The following CCDC87 variants were observed in gnomAD, a reference collection of about 807,000 sequenced individuals.
CCDC87 encodes coiled-coil domain containing 87.
For missense variants in CCDC87, 1,072 were observed against 1,041.7 expected (o/e 1.03, Z -0.40); for synonymous variants, 434 against 440.2 (o/e 0.99, Z 0.18).
chr11:66,592,216 A>G lies in CCDC87; in HGVS notation c.800T>C (p.Leu267Pro). 2 of 1,611,284 alleles carry G rather than the reference A, an allele frequency of 1.2e-6. No individual in the cohort carries two copies. The highest frequency in any genetic ancestry group is 1.7e-6 in the Non-Finnish European group (2 of 1,178,576). The part of the protein sequence containing the change: ...RLKRKKPFHW[L>P]PSIGKKREID... ...TTCTCTCTTCTTTCCTATGGAGGGC[A>G]GCCAGTGGAAAGGCTTTTTCCTCTT... is the stretch of plus-strand genomic sequence containing the variant. Residue 267 changes from leucine to proline, a missense_variant, in exon 1 of 1, where the codon CTG becomes CCG. By Grantham distance (98) the Leu-to-Pro change is moderately conservative. Transcript: ENST00000333861.
Position 66,592,945 on chromosome 11 carries a change from A to G in CCDC87, c.71T>C (p.Leu24Pro), listed in dbSNP as rs1858402705. 16 of 1,518,912 alleles carry G rather than the reference A, an allele frequency of 1.1e-5. No individual in the cohort carries two copies. The highest frequency in any genetic ancestry group is 1.4e-5 in the Non-Finnish European group (16 of 1,136,206). 94.1% of individuals were successfully genotyped at this position (1,518,912 alleles called of 1,614,324 possible). Residue 24 changes from leucine (L) to proline (P), a missense_variant, in exon 1 of 1, where the codon CTC (leucine) becomes CCC (proline). Coordinates refer to ENST00000333861, the MANE Select transcript of CCDC87 (RefSeq NM_018219.3). The stretch of plus-strand genomic sequence containing the variant: ...TGGGGACGTCGTCCTAGTGGGGAAG[A>G]GCGACAGCGGACGCAGCAGCCGGTG... ...FYHRLLRPLS[L>P]FPTRTTSPEP...
At position 66,591,349 on chromosome 11, in the gene CCDC87, A is replaced by G. The variant is rs751516131; in HGVS notation, c.1667T>C (p.Leu556Ser). 7.4e-6 allele frequency: 12 copies of G among 1,614,124 alleles called. No homozygotes were observed. The highest frequency in any genetic ancestry group is 3.3e-4 in the Middle Eastern group (2 of 6,062). ...GGGCATCTTCTTAGTATTGGACTGT[A>G]AAGTGTTTGCTCTCTGGGAGTAAAG... ...VGLYSQRANT[L>S]QSNTKKMPSL... The change falls in exon 1 of 1, where the codon TTA becomes TCA. Residue 556 changes from leucine to serine, a missense_variant. Coordinates refer to ENST00000333861, the MANE Select transcript of CCDC87 (RefSeq NM_018219.3).
rs772116285 is a variant in CCDC87 at position 66,591,501 on chromosome 11, G to T, written c.1515C>A (p.Asp505Glu). ...YKELMSHVSS[D>E]HLHFDQGPLV... ...GGGGCCCTTGATCAAAATGTAAGTG[G>T]TCAGAAGAGACATGGCTCATCAACT... The change falls in exon 1 of 1, where the codon GAC becomes GAA. Residue 505 changes from aspartate (D) to glutamate (E), a missense_variant. Asp to Glu is a conservative substitution (Grantham distance 45, BLOSUM62 2). Coordinates refer to ENST00000333861, the MANE Select transcript of CCDC87 (RefSeq NM_018219.3). 5.0e-6 allele frequency: 8 copies of T among 1,613,998 alleles called. No individual in the cohort carries two copies. In the African/African-American group the frequency reaches 9.3e-5, roughly 19 times the overall value.
Position 66,592,389 on chromosome 11 carries a change from G to T in CCDC87, c.627C>A (p.Ile209=). 6.2e-7 allele frequency: 1 copy of T among 1,614,164 alleles called. No homozygotes were observed. The highest frequency in any genetic ancestry group is 8.5e-7 in the Non-Finnish European group (1 of 1,180,038). ...CPAGTFKLCP[I]PWPHSTGFAQ... ...CGAAGCCAGTGCTGTGAGGCCAGGG[G>T]ATAGGGCACAGCTTGAACGTCCCAG... The change falls in exon 1 of 1, where the codon ATC becomes ATA. Residue 209 remains isoleucine (I), a synonymous_variant. Transcript: ENST00000333861.
rs1377289231 is a variant in CCDC87, at chr11:66,591,456, A to G, written c.1560T>C (p.Asp520=). The change falls in exon 1 of 1, where the codon GAT becomes GAC. Residue 520 remains aspartate (D), a synonymous_variant. Coordinates refer to ENST00000333861, the MANE Select transcript of CCDC87 (RefSeq NM_018219.3). ...AGGACAGGAAGGTCGACCAGTCTTT[A>G]TCTGCTGCAGGCTCAACTAGGGGCC... ...DQGPLVEPAA[D]KDWSTFLSSA... is the part of the protein sequence containing the mutation. The G allele has an allele frequency of 6.8e-6, 11 of 1,614,200 alleles. No individual in the cohort carries two copies. Among genetic ancestry groups the G allele is most frequent in the Non-Finnish European group, 8.5e-6 (10 of 1,180,046 alleles).
rs762152279 is a variant in CCDC87, at chr11:66,591,167, C to T, written c.1849G>A (p.Glu617Lys). 1 of 1,614,188 alleles carries T rather than the reference C, an allele frequency of 6.2e-7. No homozygotes were observed. The highest frequency in any genetic ancestry group is 1.7e-5 in the Admixed American group (1 of 60,034). Residue 617 changes from glutamate to lysine, a missense_variant, in exon 1 of 1, where the codon GAA (glutamate) becomes AAA (lysine). Glu to Lys is a moderately conservative substitution (Grantham distance 56, BLOSUM62 1). Transcript: ENST00000333861. Reference sequence around the variant, plus strand: ...ACAATCTCCACAGGAACCTCTTCTTCATGCATTTGAAAGATGACATGAAGG... The same window carrying T: ...ACAATCTCCACAGGAACCTCTTCTTTATGCATTTGAAAGATGACATGAAGG... ...DFLHVIFQMH[E>K]EEVPVEIVAP...
At position 66,592,262 on chromosome 11, in the gene CCDC87, A is replaced by G. The variant is rs769013983; in HGVS notation, c.754T>C (p.Leu252=). 15 of 1,614,060 alleles carry G rather than the reference A, an allele frequency of 9.3e-6. No homozygotes were observed. The highest frequency in any genetic ancestry group is 1.3e-5 in the Non-Finnish European group (15 of 1,180,032). ...EPGRMDPVKE[L]KSIPRLKRKK... ...CTCTTCAACCGAGGGATGGACTTCA[A>G]TTCCTTCACTGGATCCATCCTTCCT... Residue 252 remains leucine (L), a synonymous_variant, in exon 1 of 1, where the codon TTG becomes CTG. Coordinates refer to ENST00000333861, the MANE Select transcript of CCDC87 (RefSeq NM_018219.3).
chr11:66,591,920 A>C lies in CCDC87; in HGVS notation c.1096T>G (p.Leu366Val). ...DLKQLIKKMK[L>V]EGTRYPPLDS... Reference sequence around the variant, plus strand: ...AGTGGTGGGTAGCGAGTCCCCTCCAACTTCATCTTCTTTATCAACTGCTTC... The same window carrying C: ...AGTGGTGGGTAGCGAGTCCCCTCCACCTTCATCTTCTTTATCAACTGCTTC... Residue 366 changes from leucine (L) to valine (V), a missense_variant, in exon 1 of 1, where the codon TTG becomes GTG. Leu to Val is a conservative substitution (Grantham distance 32). Transcript: ENST00000333861. 6.2e-7 allele frequency: 1 copy of C among 1,613,844 alleles called. No homozygotes were observed. Among genetic ancestry groups the C allele is most frequent in the Non-Finnish European group, 8.5e-7 (1 of 1,180,026 alleles).
In CCDC87 at chr11:66,591,639, AAT is replaced by A. The variant is rs775961114; in HGVS notation, c.1375_1376del (p.Ile459Ter). ...GGTTATACAGGGCTCCGGCCCCCTC[AAT>A]GTGGAAAGAGTCTAAGAAGTTTCTA... The part of the protein sequence containing the change: ...SDRNFLDSFH[I>X]EGAGALYNHL... On this transcript the variant is annotated frameshift_variant, in exon 1 of 1. Coordinates refer to ENST00000333861, the MANE Select transcript of CCDC87 (RefSeq NM_018219.3). LOFTEE classifies it low-confidence loss of function (END_TRUNC). 6.2e-7 allele frequency: 1 copy of A among 1,613,922 alleles called. No homozygotes were observed. The highest frequency in any genetic ancestry group is 1.1e-5 in the South Asian group (1 of 91,084).
rs146402060 is a variant in CCDC87, at chr11:66,591,363, C to T, written c.1653G>A (p.Gln551=). The T allele has an allele frequency of 3.1e-6, 5 of 1,614,144 alleles. No homozygotes were observed. The South Asian group carries it at 4.4e-5, about 14-fold the overall frequency. The part of the protein sequence containing the change: ...INPELVGLYS[Q]RANTLQSNTK... ...TATTGGACTGTAAAGTGTTTGCTCT[C>T]TGGGAGTAAAGTCCAACCAGCTCAG... Residue 551 remains glutamine, a synonymous_variant, in exon 1 of 1, where the codon CAG becomes CAA. Transcript: ENST00000333861.
chr11:66,590,885 G>A lies in CCDC87; in HGVS notation c.2131C>T (p.Leu711=). ...TTCACCAATGAAGGCAGCTGCCTCA[G>A]GCGGGCTTTGGAGCTATATTTAATG... is the stretch of plus-strand genomic sequence containing the variant. ...MTIKYSSKAR[L]RQLPSLVNAW... is the part of the protein sequence containing the mutation. Residue 711 remains leucine, a synonymous_variant, in exon 1 of 1, where the codon CTG becomes TTG. Transcript: ENST00000333861. 6.2e-7 allele frequency: 1 copy of A among 1,613,858 alleles called. No homozygotes were observed. The highest frequency in any genetic ancestry group is 8.5e-7 in the Non-Finnish European group (1 of 1,180,052).
At position 66,590,793 on chromosome 11, in the gene CCDC87, A is replaced by C. The variant is rs1304617333; in HGVS notation, c.2223T>G (p.Phe741Leu). The change falls in exon 1 of 1, where the codon TTT (phenylalanine) becomes TTG (leucine). Residue 741 changes from phenylalanine to leucine, a missense_variant. Physicochemically the swap from Phe to Leu is conservative, Grantham distance 22. Transcript: ENST00000333861. ...REALLARLEW[F>L]EGQASNPNRF... is the part of the protein sequence containing the mutation. ...GGTTGGGATTGGAAGCTTGTCCCTC[A>C]AACCACTCTAGTCTCGCCAGCAATG... 2 of 1,612,930 alleles carry C rather than the reference A, an allele frequency of 1.2e-6. No homozygotes were observed. Among genetic ancestry groups the C allele is most frequent in the Non-Finnish European group, 1.7e-6 (2 of 1,180,042 alleles).
rs1490250502 is a variant in CCDC87 at position 66,592,638 on chromosome 11, C to A, written c.378G>T (p.Gln126His). 1 of 1,613,808 alleles carries A rather than the reference C, an allele frequency of 6.2e-7. No homozygotes were observed. The highest frequency in any genetic ancestry group is 8.5e-7 in the Non-Finnish European group (1 of 1,179,962). The stretch of plus-strand genomic sequence containing the variant: ...GCAGGTGCAGGTAGCGCAAGAAGAG[C>A]TGCTCGCTGCTCAGCAGCACGTAGG... ...LEAYVLLSSE[Q>H]LFLRYLHLLV... is the part of the protein sequence containing the mutation. Residue 126 changes from glutamine (Q) to histidine (H), a missense_variant, in exon 1 of 1, where the codon CAG becomes CAT. By Grantham distance (24) the Gln-to-His change is conservative. Coordinates refer to ENST00000333861, the MANE Select transcript of CCDC87 (RefSeq NM_018219.3).
chr11:66,592,425 A>G lies in CCDC87; in HGVS notation c.591T>C (p.Pro197=). ...GCTTGAACGTCCCAGCGGGGCAGAC[A>G]GGGTGCAGCTTGTCCACATCCCCAG... The part of the protein sequence containing the change: ...QASGDVDKLH[P]VCPAGTFKLC... The change falls in exon 1 of 1, where the codon CCT becomes CCC. Residue 197 remains proline, a synonymous_variant. Transcript: ENST00000333861. 2.5e-6 allele frequency: 4 copies of G among 1,614,030 alleles called. No homozygotes were observed. Among genetic ancestry groups the G allele is most frequent in the Non-Finnish European group, 3.4e-6 (4 of 1,180,004 alleles).
At position 66,591,386 on chromosome 11, in the gene CCDC87, C is replaced by A; in HGVS notation, c.1630G>T (p.Glu544Ter). ...QEKQPQIINP[E>*]LVGLYSQRAN... ...CTCTGGGAGTAAAGTCCAACCAGCT[C>A]AGGGTTGATGATTTGAGGCTGTTTT... The change falls in exon 1 of 1, where the codon GAG becomes TAG. Residue 544 changes from glutamate (E) to a stop codon, truncating the protein, a stop_gained. Transcript: ENST00000333861. LOFTEE classifies it low-confidence loss of function (END_TRUNC). The A allele has an allele frequency of 6.2e-7, 1 of 1,614,128 alleles. No individual in the cohort carries two copies. The highest frequency in any genetic ancestry group is 8.5e-7 in the Non-Finnish European group (1 of 1,180,034).
At position 66,591,700 on chromosome 11, in the gene CCDC87, A is replaced by G; in HGVS notation, c.1316T>C (p.Val439Ala). 6.2e-7 allele frequency: 1 copy of G among 1,613,576 alleles called. No individual in the cohort carries two copies. ...VTITLKLRNE[V>A]VVQAAAVRVS... ...CCGTACGGCAGCCGCCTGGACCACG[A>G]CCTCATTTCTAAGCTTCAAAGTAAT... The change falls in exon 1 of 1, where the codon GTC becomes GCC. Residue 439 changes from valine to alanine, a missense_variant. Coordinates refer to ENST00000333861, the MANE Select transcript of CCDC87 (RefSeq NM_018219.3).
In CCDC87 at chr11:66,590,849, G is replaced by C. The variant is rs374530115; in HGVS notation, c.2167C>G (p.Arg723Gly). Reference sequence around the variant, plus strand: ...CGCAGCTGAATGGGCTTCAGGGCCCGCTCCCAGGCATTCACCAATGAAGGC... The same window carrying C: ...CGCAGCTGAATGGGCTTCAGGGCCCCCTCCCAGGCATTCACCAATGAAGGC... Reference protein sequence around the residue: ...QLPSLVNAWERALKPIQLREA... With the variant: ...QLPSLVNAWEGALKPIQLREA... The change falls in exon 1 of 1, where the codon CGG becomes GGG. Residue 723 changes from arginine (R) to glycine (G), a missense_variant. Transcript: ENST00000333861. The C allele has an allele frequency of 6.2e-7, 1 of 1,613,810 alleles. No homozygotes were observed. Among genetic ancestry groups the C allele is most frequent in the South Asian group, 1.1e-5 (1 of 91,088 alleles).
Position 66,591,152 on chromosome 11 carries a change from C to G in CCDC87, c.1864G>C (p.Val622Leu), listed in dbSNP as rs1400098555. The part of the protein sequence containing the change: ...IFQMHEEEVP[V>L]EIVAPARESL... ...TCTCTGGCAGGGGCCACAATCTCCA[C>G]AGGAACCTCTTCTTCATGCATTTGA... Residue 622 changes from valine (V) to leucine (L), a missense_variant, in exon 1 of 1, where the codon GTG becomes CTG. Transcript: ENST00000333861. 1.4e-5 allele frequency: 22 copies of G among 1,614,250 alleles called. No homozygotes were observed. Among genetic ancestry groups the G allele is most frequent in the Non-Finnish European group, 1.4e-5 (17 of 1,180,052 alleles).
At position 66,592,234 on chromosome 11, in the gene CCDC87, T is replaced by A. The variant is rs1858381442; in HGVS notation, c.782A>T (p.Lys261Ile). 1 of 1,613,532 alleles carries A rather than the reference T, an allele frequency of 6.2e-7. No homozygotes were observed. Among genetic ancestry groups the A allele is most frequent in the Non-Finnish European group, 8.5e-7 (1 of 1,179,712 alleles). Residue 261 changes from lysine to isoleucine, a missense_variant, in exon 1 of 1, where the codon AAA becomes ATA. Physicochemically the swap from Lys to Ile is moderately radical, Grantham distance 102. Coordinates refer to ENST00000333861, the MANE Select transcript of CCDC87 (RefSeq NM_018219.3). ...ELKSIPRLKR[K>I]KPFHWLPSIG... Reference sequence around the variant, plus strand: ...GGAGGGCAGCCAGTGGAAAGGCTTTTTCCTCTTCAACCGAGGGATGGACTT... The same window carrying A: ...GGAGGGCAGCCAGTGGAAAGGCTTTATCCTCTTCAACCGAGGGATGGACTT...
Sources: allele counts gnomAD v4.1 joint callset, GRCh38; gene constraint gnomAD v4.1.1; transcripts MANE v1.5; gene names NCBI Gene and HGNC (gene_info 2026-07-23, HGNC 2026-07-21).